SLC9A4: variants seen among roughly 807,000 people sequenced by gnomAD.
SLC9A4 encodes the protein sodium/hydrogen exchanger 4.
In SLC9A4, 63 loss-of-function variants were observed where a neutral mutation model predicts 67.4. The observed-to-expected ratio is 0.93, with a 90% CI of 0.76 to 1.15. The LOEUF (loss-of-function observed/expected upper bound fraction) is 1.15, where lower values mean the gene tolerates loss of function less well. SLC9A4 is among the 50% of genes most tolerant of loss of function. The pLI, the probability that SLC9A4 is intolerant of heterozygous loss-of-function variation, is 0.00. For missense variants in SLC9A4, 1,089 were observed against 987.7 expected (o/e 1.10, Z -1.38); for synonymous variants, 393 against 367.2 (o/e 1.07, Z -0.80).
In SLC9A4 at chr2:102,508,898, A is replaced by G. The variant is rs1261806715; in HGVS notation, c.1453A>G (p.Lys485Glu). ...GTACCTGGATGTTAAAAAAACCAATAAAAAAGAATCCATCAATGAAGAGCT... is the reference window on the plus strand; with the variant it reads ...GTACCTGGATGTTAAAAAAACCAATGAAAAAGAATCCATCAATGAAGAGCT... ...VRYLDVKKTN[K>E]KESINEELHI... Residue 485 changes from lysine to glutamate, a missense_variant, in exon 6 of 12, where the codon AAA (lysine) becomes GAA (glutamate). By Grantham distance (56) the Lys-to-Glu change is moderately conservative. Transcript: ENST00000295269. 7.4e-6 allele frequency: 12 copies of G among 1,612,950 alleles called. No individual in the cohort carries two copies. Among genetic ancestry groups the G allele is most frequent in the Non-Finnish European group, 1.0e-5 (12 of 1,179,578 alleles).
At chr2:102,501,536 C>T (rs1004215681) in intron 2 of SLC9A4, among the ~76,000 whole-genome samples, 2 of 152,054 alleles carry the variant, frequency 1.3e-5, no homozygotes, top group South Asian at 2.1e-4. Context: ...TGAGCCACCA[C>T]GCCCAGCCAA....
At chr2:102,496,826 A>G (rs1684819561) in intron 2 of SLC9A4, among the ~76,000 whole-genome samples, 1 of 152,254 alleles carries the variant, frequency 6.6e-6, no homozygotes, top group Non-Finnish European at 1.5e-5. Flanking sequence ...CATTCCCAGA[A>G]CTGGGATTAA....
At chr2:102,491,040 A>G (rs1300838877) in intron 2 of SLC9A4, among the ~76,000 whole-genome samples, 2 of 152,128 alleles carry the variant, frequency 1.3e-5, no homozygotes, top group Non-Finnish European at 2.9e-5. Context: ...TTCTATTTGA[A>G]ACTCTCTCTT....
rs141370944 is a variant in SLC9A4, at chr2:102,479,221, C to T, written c.639C>T (p.Ala213=). 4.3e-6 allele frequency: 7 copies of T among 1,614,162 alleles called. No homozygotes were observed. The highest frequency in any genetic ancestry group is 5.1e-6 in the Non-Finnish European group (6 of 1,180,036). The change falls in exon 2 of 12, where the codon GCC becomes GCT. Residue 213 remains alanine, a synonymous_variant. Coordinates refer to ENST00000295269, the MANE Select transcript of SLC9A4 (RefSeq NM_001011552.4). ...CCGTGGACCCAGTGGCCGTGCTAGC[C>T]GTGTTTGAGGAAGCGCGCGTGAACG... ...ISAVDPVAVL[A]VFEEARVNEQ... is the part of the protein sequence containing the mutation.
intron 6 of SLC9A4, among the ~76,000 whole-genome samples, chr2:102,510,295 A>ATAGATATAGATATAGATATAGAT (rs1685140757): frequency 6.6e-6 from 1 of 152,128 alleles, no homozygotes; most frequent in Non-Finnish European, 1.5e-5. Context: ...AGATATAGAT[A>ATAGATATAGATATAGATATAGAT]TAGATATAGA....
intron 1 of SLC9A4, among the ~76,000 whole-genome samples, chr2:102,476,724 G>C (rs913790544): frequency 2.6e-5 from 4 of 152,150 alleles, no homozygotes; most frequent in Non-Finnish European, 4.4e-5. Flanking sequence ...TGGATAAGGA[G>C]AAGGAGGAGG....
intron 9 of SLC9A4, among the ~76,000 whole-genome samples, chr2:102,524,644 T>C (rs1235616262): frequency 6.6e-6 from 1 of 151,714 alleles, no homozygotes; most frequent in African/African-American, 2.4e-5. Flanking sequence ...AAGAGCCTTA[T>C]GGAAATTCCC....
intron 2 of SLC9A4, among the ~76,000 whole-genome samples, chr2:102,487,154 C>T (rs1208146992): frequency 3.3e-5 from 5 of 149,674 alleles, no homozygotes; most frequent in East Asian, 1.9e-4. Context: ...GAGGTTTTCA[C>T]GGTGAACTTC....
At position 102,532,812 on chromosome 2, in the gene SLC9A4, G is replaced by A. The variant is rs1674807476; in HGVS notation, c.*124G>A. On this transcript the variant is annotated 3_prime_UTR_variant, in exon 12 of 12. Coordinates refer to ENST00000295269, the MANE Select transcript of SLC9A4 (RefSeq NM_001011552.4). ...TTGCTGTGTTGAAGCTATTAAACAT[G>A]GATCTATAAGCAGCAGGAAGATTTT... is the stretch of plus-strand genomic sequence containing the variant. 9.7e-7 allele frequency: 1 copy of A among 1,034,352 alleles called. No individual in the cohort carries two copies. The highest frequency in any genetic ancestry group is 1.4e-6 in the Non-Finnish European group (1 of 724,026). The allele number at this position is 1,034,352 out of a possible 1,614,324, so 64.1% of individuals were successfully genotyped here.
intron 6 of SLC9A4, among the ~76,000 whole-genome samples, chr2:102,509,695 G>T (rs1211821700): frequency 6.6e-6 from 1 of 152,184 alleles, no homozygotes; most frequent in Non-Finnish European, 1.5e-5. Flanking sequence ...CTAGAGCAGG[G>T]CTCAGTGAGG....
intron 7 of SLC9A4, among the ~76,000 whole-genome samples, chr2:102,513,719 A>G (rs971716546): frequency 6.6e-6 from 1 of 152,204 alleles, no homozygotes; most frequent in Admixed American, 6.5e-5. Flanking sequence ...CGCTATTAGA[A>G]TGGAACACTT....
intron 11 of SLC9A4, among the ~76,000 whole-genome samples, chr2:102,528,288 G>A (rs376807155): frequency 6.6e-6 from 1 of 152,070 alleles, no homozygotes; most frequent in African/African-American, 2.4e-5. Context: ...GATTACAGGC[G>A]TGAGCCACCG....
At chr2:102,480,447 G>A (rs1049778585) in intron 2 of SLC9A4, among the ~76,000 whole-genome samples, 4 of 151,368 alleles carry the variant, frequency 2.6e-5, no homozygotes, top group Admixed American at 6.6e-5. Flanking sequence ...CACTGCAACC[G>A]TGTCTGGCCC....
chr2:102,508,888 A>T lies in SLC9A4; in HGVS notation c.1443A>T (p.Lys481Asn), dbSNP rs2104437245. Residue 481 changes from lysine to asparagine, a missense_variant, in exon 6 of 12, where the codon AAA becomes AAT. By Grantham distance (94) the Lys-to-Asn change is moderately conservative (BLOSUM62 0). Coordinates refer to ENST00000295269, the MANE Select transcript of SLC9A4 (RefSeq NM_001011552.4). ...VGPLVRYLDV[K>N]KTNKKESINE... ...CTCTGGTCAGGTACCTGGATGTTAAAAAAACCAATAAAAAAGAATCCATCA... is the reference window on the plus strand; with the variant it reads ...CTCTGGTCAGGTACCTGGATGTTAATAAAACCAATAAAAAAGAATCCATCA... 6.2e-7 allele frequency: 1 copy of T among 1,613,328 alleles called. No individual in the cohort carries two copies. Among genetic ancestry groups the T allele is most frequent in the Non-Finnish European group, 8.5e-7 (1 of 1,179,758 alleles).
At position 102,473,704 on chromosome 2, in the gene SLC9A4, C is replaced by A; in HGVS notation, c.-56C>A. 1 of 1,592,844 alleles carries A rather than the reference C, an allele frequency of 6.3e-7. No individual in the cohort carries two copies. The highest frequency in any genetic ancestry group is 8.5e-7 in the Non-Finnish European group (1 of 1,170,288). ...AGTCACTCTCTAGAAGCCTCCCCGA[C>A]TTCAGATGTGTGGCACACATCCACA... On this transcript the variant is annotated 5_prime_UTR_variant, in exon 1 of 12. Transcript: ENST00000295269.
intron 4 of SLC9A4, among the ~76,000 whole-genome samples, chr2:102,506,877 A>G (rs1685061807): frequency 6.6e-6 from 1 of 152,158 alleles, no homozygotes; most frequent in African/African-American, 2.4e-5. Context: ...TGGAAAAACC[A>G]CCAAAACAGT....
At position 102,503,431 on chromosome 2, in the gene SLC9A4, C is replaced by T. The variant is rs761738012; in HGVS notation, c.721-17C>T. The T allele has an allele frequency of 6.4e-7, 1 of 1,557,610 alleles. No individual in the cohort carries two copies. Among genetic ancestry groups the T allele is most frequent in the Non-Finnish European group, 8.7e-7 (1 of 1,146,568 alleles). Reference sequence around the variant, plus strand: ...TCTATTCATAATTCATATTTGTTTACTCTCTTTTTTGCCTAGGTCTTATAC... The same window carrying T: ...TCTATTCATAATTCATATTTGTTTATTCTCTTTTTTGCCTAGGTCTTATAC... On this transcript the variant is annotated splice_polypyrimidine_tract_variant and intron_variant, in intron 2 of 11. Transcript: ENST00000295269.
At chr2:102,513,257 GC>G (rs1370132209) in intron 7 of SLC9A4, among the ~76,000 whole-genome samples, 2 of 152,208 alleles carry the variant, frequency 1.3e-5, no homozygotes, top group Non-Finnish European at 2.9e-5. Flanking sequence ...CAGGAAGCCA[GC>G]CCCTAACCCT....
chr2:102,526,481 T>G lies in SLC9A4; in HGVS notation c.2038+135T>G, dbSNP rs113372354. On this transcript the variant is annotated intron_variant, in intron 11 of 11. Coordinates refer to ENST00000295269, the MANE Select transcript of SLC9A4 (RefSeq NM_001011552.4). ...TGATAAGAAAAAGAAGAAAACAACT[T>G]CTTTTATAGTTGAAACTCGGAACTT... is the stretch of plus-strand genomic sequence containing the variant. 1,093 of 691,018 alleles carry G rather than the reference T, an allele frequency of 1.6e-3. 7 individuals carry two copies. The African/African-American group carries it at 0.018, about 11-fold the overall frequency. 42.8% of individuals were successfully genotyped at this position (691,018 alleles called of 1,614,324 possible).
Sources: gnomAD v4.1 joint callset for allele counts (sites outside exome capture counted in the v4.1 genomes callset) on GRCh38, gnomAD v4.1.1 for gene constraint, MANE v1.5 for transcripts, NCBI Gene and HGNC (gene_info 2026-07-23, HGNC 2026-07-21) for gene names.